Variants in EXOC4 observed in about 807,000 individuals in gnomAD.
EXOC4 encodes SEC8-like 1.
A neutral mutation model predicts 107.2 loss-of-function variants in EXOC4; 71 were observed. The observed-to-expected ratio is 0.66, with a 90% CI of 0.55 to 0.81. EXOC4 has a LOEUF of 0.81. Ranked by LOEUF, EXOC4 falls within the 30% of genes least tolerant of loss-of-function variation. The pLI is 0.00. For missense variants in EXOC4, 1,108 were observed against 1,189.6 expected (o/e 0.93, Z 1.01); for synonymous variants, 456 against 441.2 (o/e 1.03, Z -0.42).
the EXOC4 span, among the ~76,000 whole-genome samples, chr7:134,083,111 A>G: frequency 6.6e-6 from 1 of 152,132 alleles, no homozygotes; most frequent in Non-Finnish European, 1.5e-5. Flanking sequence ...TGACTCAGTA[A>G]TTTCCCTTCT....
At chr7:133,667,913 CT>C (rs1793855253) in intron 10 of EXOC4, among the ~76,000 whole-genome samples, 1 of 152,140 alleles carries the variant, frequency 6.6e-6, no homozygotes. Context: ...CAACCAAAAA[CT>C]TTTTGCTGTT....
At chr7:133,666,762 C>T (rs1175241804) in intron 10 of EXOC4, among the ~76,000 whole-genome samples, 2 of 152,158 alleles carry the variant, frequency 1.3e-5, no homozygotes, top group African/African-American at 4.8e-5. Flanking sequence ...ACAATACCTG[C>T]TTCCAAGTAA....
intron 7 of EXOC4, among the ~76,000 whole-genome samples, chr7:133,456,104 A>G (rs1427548039): frequency 6.6e-6 from 1 of 152,214 alleles, no homozygotes; most frequent in African/African-American, 2.4e-5. Context: ...AAAGATAAGT[A>G]CATTTTTATC....
chr7:133,776,036 G>A (rs558971279), intron 10 of EXOC4, among the ~76,000 whole-genome samples: 74 of 151,914 alleles, frequency 4.9e-4, no homozygotes, highest in African/African-American at 1.7e-3. Flanking sequence ...TAGATAAAAA[G>A]CACTCTTAAA....
intron 10 of EXOC4, among the ~76,000 whole-genome samples, chr7:133,813,500 T>C (rs1797286914): frequency 1.3e-5 from 2 of 152,208 alleles, no homozygotes; most frequent in South Asian, 4.1e-4. Context: ...TGGTTTTCTT[T>C]TGGAAGGCAA....
At chr7:133,796,015 T>C (rs1380473687) in intron 10 of EXOC4, among the ~76,000 whole-genome samples, 3 of 152,194 alleles carry the variant, frequency 2.0e-5, no homozygotes, top group Non-Finnish European at 4.4e-5. Context: ...TGTATGATGA[T>C]GCTTCCTTTT....
chr7:133,904,812 G>A (rs1585237676), intron 12 of EXOC4, among the ~76,000 whole-genome samples: 1 of 152,164 alleles, frequency 6.6e-6, no homozygotes, highest in African/African-American at 2.4e-5. Context: ...AGCGTATTCA[G>A]GTTTCTGGAG....
chr7:133,324,756 G>A (rs1404739461), intron 5 of EXOC4, among the ~76,000 whole-genome samples: 6 of 152,188 alleles, frequency 3.9e-5, no homozygotes, highest in African/African-American at 1.4e-4. Flanking sequence ...TTCAATTCCT[G>A]TATATCCTTG....
intron 6 of EXOC4, among the ~76,000 whole-genome samples, chr7:133,371,567 C>T (rs1796378345): frequency 6.6e-6 from 1 of 152,132 alleles, no homozygotes; most frequent in South Asian, 2.1e-4. Context: ...TGTATCAGTA[C>T]TTCATTCCTT....
intron 9 of EXOC4, among the ~76,000 whole-genome samples, chr7:133,524,816 A>G (rs1263799063): frequency 6.6e-6 from 1 of 152,196 alleles, no homozygotes; most frequent in Non-Finnish European, 1.5e-5. Flanking sequence ...TTTTGGTACC[A>G]GCACCATACC....
intron 14 of EXOC4, among the ~76,000 whole-genome samples, chr7:133,988,848 G>T (rs1307864899): frequency 6.6e-6 from 1 of 152,164 alleles, no homozygotes; most frequent in Non-Finnish European, 1.5e-5. Context: ...TGGAGGGTTG[G>T]ACAGAAATAA....
intron 9 of EXOC4, among the ~76,000 whole-genome samples, chr7:133,604,706 C>CCTTCTTTTTTTTTTT (rs1191856891): frequency 2.3e-5 from 2 of 87,536 alleles, no homozygotes; most frequent in African/African-American, 8.8e-5. Context: ...TTCCTTCCTT[C>CCTTCTTTTTTTTTTT]TTTCTTTTTT....
intron 9 of EXOC4, among the ~76,000 whole-genome samples, chr7:133,600,747 G>A (rs763312983): frequency 5.9e-5 from 9 of 152,226 alleles, no homozygotes; most frequent in South Asian, 2.1e-4. Context: ...TATTCCCAGC[G>A]GCCTTTTGTG....
At chr7:133,416,177 G>A (rs530690796) in intron 7 of EXOC4, among the ~76,000 whole-genome samples, 6 of 152,276 alleles carry the variant, frequency 3.9e-5, no homozygotes, top group Non-Finnish European at 8.8e-5. Context: ...AAAGACTGTG[G>A]TGTAAAACAC....
intron 7 of EXOC4, among the ~76,000 whole-genome samples, chr7:133,406,836 G>A (rs1229816017): frequency 1.3e-5 from 2 of 152,206 alleles, no homozygotes; most frequent in Non-Finnish European, 2.9e-5. Flanking sequence ...ATGTAAGGTG[G>A]TATTACTATA....
chr7:133,985,994 A>T (rs1794104634), intron 14 of EXOC4, among the ~76,000 whole-genome samples: 1 of 152,194 alleles, frequency 6.6e-6, no homozygotes, highest in African/African-American at 2.4e-5. Flanking sequence ...AAAGGCAGGG[A>T]ATGATTGCTC....
the EXOC4 span, among the ~76,000 whole-genome samples, chr7:134,088,548 G>A: frequency 6.6e-6 from 1 of 152,148 alleles, no homozygotes; most frequent in African/African-American, 2.4e-5. Context: ...TTTACTCCAT[G>A]CAGTTAACTT....
At position 133,356,393 on chromosome 7, in the gene EXOC4, C is replaced by A; in HGVS notation, c.827C>A (p.Thr276Asn). 1.9e-6 allele frequency: 3 copies of A among 1,613,810 alleles called. No individual in the cohort carries two copies. Among genetic ancestry groups the A allele is most frequent in the Non-Finnish European group, 1.7e-6 (2 of 1,179,764 alleles). Reference sequence around the variant, plus strand: ...GAATTGGATCCAGAGGAAAACAGCACCCTGTTTATGGGTATCCTCATTAAG... The same window carrying A: ...GAATTGGATCCAGAGGAAAACAGCAACCTGTTTATGGGTATCCTCATTAAG... ...DLELDPEENS[T>N]LFMGILIKGL... The change falls in exon 6 of 18, where the codon ACC becomes AAC. Residue 276 changes from threonine to asparagine, a missense_variant. Physicochemically the swap from Thr to Asn is moderately conservative, Grantham distance 65. Transcript: ENST00000253861.
At chr7:133,742,141 C>T (rs145549046) in intron 10 of EXOC4, among the ~76,000 whole-genome samples, 1 of 152,142 alleles carries the variant, frequency 6.6e-6, no homozygotes, top group Non-Finnish European at 1.5e-5. Context: ...CTTTTTCAGT[C>T]TGATGATTTT....
Sources: allele counts gnomAD v4.1 joint callset (sites outside exome capture counted in the v4.1 genomes callset), GRCh38; gene constraint gnomAD v4.1.1; transcripts MANE v1.5; gene names NCBI Gene and HGNC (gene_info 2026-07-23, HGNC 2026-07-21).